Variants in KANK1 observed in about 807,000 individuals in gnomAD.
The protein encoded by KANK1 is KN motif and ankyrin repeat domains 1.
Under a neutral mutation model 106.2 loss-of-function variants are expected in KANK1, and 109 were observed. The observed-to-expected ratio is 1.03, with a 90% confidence interval of 0.88 to 1.20. The LOEUF (loss-of-function observed/expected upper bound fraction) is 1.20, where lower values mean the gene tolerates loss of function less well. Ranked by LOEUF, KANK1 falls within the 50% of genes most tolerant of loss-of-function variation. The pLI, the probability that KANK1 is intolerant of heterozygous loss-of-function variation, is 0.00. For missense variants in KANK1, 2,399 were observed against 1,710.7 expected, an observed-to-expected ratio of 1.40 and a Z score of -7.10; for synonymous variants, 873 against 652.2, an observed-to-expected ratio of 1.34 and a Z score of -5.16.
rs527799189 is a variant in KANK1 at position 612,326 on chromosome 9, C to CT, written c.-83-64563dup. Reference sequence around the variant, plus strand: ...AAGAAAGAGAAATTCAGTACAAAGTCTAAGATGTCCCAGTGATGCACTCTG... The same window carrying CT: ...AAGAAAGAGAAATTCAGTACAAAGTCTTAAGATGTCCCAGTGATGCACTCTG... On this transcript the variant is annotated intron_variant, in intron 1 of 11. Transcript: ENST00000382297. Among the ~76,000 whole-genome samples, 26 of 152,188 alleles carry CT rather than the reference C, an allele frequency of 1.7e-4. No homozygotes were observed. The East Asian group carries it at 4.4e-3, about 26-fold the overall frequency.
At chr9:572,413 G>A (rs934223150) in intron 1 of KANK1, among the ~76,000 whole-genome samples, 2 of 152,046 alleles carry the variant, frequency 1.3e-5, no homozygotes, top group African/African-American at 2.4e-5. Context: ...TTAGCTGGGC[G>A]TGGTAGTGGG....
chr9:602,500 C>T lies in KANK1; in HGVS notation c.-83-74390C>T, dbSNP rs570771075. ...GTCTCAATCTCTTGACCTCATGATC[C>T]GCCTGCCTCAGCCTCCCAAAGTGCT... On this transcript the variant is annotated intron_variant, in intron 1 of 11. Coordinates refer to ENST00000382297, the MANE Select transcript of KANK1 (RefSeq NM_015158.5). Among the ~76,000 whole-genome samples, 4 of 151,766 alleles carry T rather than the reference C, an allele frequency of 2.6e-5. No homozygotes were observed. The East Asian group carries it at 7.7e-4, about 29-fold the overall frequency.
At chr9:681,131 A>G (rs1041144621) in intron 2 of KANK1, 1 of 152,366 alleles carries the variant, frequency 6.6e-6, no homozygotes, top group African/African-American at 2.4e-5. Flanking sequence ...AGGTGGGAGG[A>G]TTGCTTGAGC....
intron 1 of KANK1, among the ~76,000 whole-genome samples, chr9:560,611 T>G (rs1443200426): frequency 6.6e-6 from 1 of 152,250 alleles, no homozygotes; most frequent in South Asian, 2.1e-4. Flanking sequence ...ATGTTTGTTT[T>G]AAAATACTTT....
At chr9:614,361 A>G (rs962098481) in intron 1 of KANK1, among the ~76,000 whole-genome samples, 4 of 152,152 alleles carry the variant, frequency 2.6e-5, no homozygotes, top group Admixed American at 6.5e-5. Context: ...ACCCATTTCC[A>G]TCTTTGAGGA....
intron 1 of KANK1, among the ~76,000 whole-genome samples, chr9:608,123 C>T (rs925339914): frequency 2.7e-5 from 4 of 146,380 alleles, no homozygotes; most frequent in Admixed American, 6.8e-5. Flanking sequence ...CTGCAAGCTC[C>T]GCTTCCCGGG....
chr9:684,948 C>T (rs1818264445), intron 2 of KANK1, among the ~76,000 whole-genome samples: 1 of 152,048 alleles, frequency 6.6e-6, no homozygotes, highest in Non-Finnish European at 1.5e-5. Context: ...TCTAATAAAA[C>T]CTTTAAGGAG....
upstream of KANK1, among the ~76,000 whole-genome samples, chr9:504,406 G>A (rs1185740712): frequency 6.6e-6 from 1 of 151,708 alleles, no homozygotes; most frequent in African/African-American, 2.4e-5. Flanking sequence ...AGTTGCAGCG[G>A]CGCGCAGGCG....
chr9:697,296 C>G (rs374558673), intron 2 of KANK1, among the ~76,000 whole-genome samples: 96 of 152,240 alleles, frequency 6.3e-4, no homozygotes, highest in African/African-American at 1.7e-3. Flanking sequence ...CTGCTCTTCC[C>G]CATGCAGATA....
chr9:714,163 C>CA (rs1827023939), intron 3 of KANK1, among the ~76,000 whole-genome samples: 1 of 152,066 alleles, frequency 6.6e-6, no homozygotes, highest in Admixed American at 6.6e-5. Flanking sequence ...CAAAACAGAA[C>CA]AGAGCCCCTG....
At chr9:673,494 G>C (rs910101143) in intron 1 of KANK1, 1 of 152,298 alleles carries the variant, frequency 6.6e-6, no homozygotes, top group Non-Finnish European at 1.5e-5. Context: ...ATAGGCGTGA[G>C]CCACCGTGCC....
At chr9:640,362 A>G (rs1037483576) in intron 1 of KANK1, among the ~76,000 whole-genome samples, 1 of 150,916 alleles carries the variant, frequency 6.6e-6, no homozygotes, top group African/African-American at 2.4e-5. Flanking sequence ...CAGCCTCCCG[A>G]TTAGCTGGGA....
chr9:668,921 A>G (rs73370855), intron 1 of KANK1, among the ~76,000 whole-genome samples: 4,415 of 152,178 alleles, frequency 0.029, 217 homozygotes, highest in African/African-American at 0.099. Flanking sequence ...CACTCTTATG[A>G]GAATCTATGC....
At chr9:503,014 T>A (rs923525406), upstream of KANK1, among the ~76,000 whole-genome samples, 10 of 148,974 alleles carry the variant, frequency 6.7e-5, no homozygotes, top group East Asian at 1.2e-3. Context: ...TTTTTTTTTT[T>A]TTTTTTTTTT....
Position 713,251 on chromosome 9 carries a change from C to T in KANK1, c.2485C>T (p.Arg829Cys), listed in dbSNP as rs758242164. ...GACTGGCCTGGATCACTACATTGAGCGTATCCAGAAGCTGCTGGCAGAACA... is the reference window on the plus strand; with the variant it reads ...GACTGGCCTGGATCACTACATTGAGTGTATCCAGAAGCTGCTGGCAGAACA... ...MMTGLDHYIE[R>C]IQKLLAEQQT... The change falls in exon 3 of 12, where the codon CGT becomes TGT. Residue 829 changes from arginine to cysteine, a missense_variant. By Grantham distance (180) the Arg-to-Cys change is radical. Transcript: ENST00000382297. 10 of 1,609,386 alleles carry T rather than the reference C, an allele frequency of 6.2e-6. No homozygotes were observed. In the Admixed American group the frequency reaches 6.7e-5, roughly 11 times the overall value.
At chr9:609,523 A>G (rs753461305) in intron 1 of KANK1, among the ~76,000 whole-genome samples, 70 of 152,184 alleles carry the variant, frequency 4.6e-4, no homozygotes, top group Non-Finnish European at 7.2e-4. Flanking sequence ...CGGCTACTCA[A>G]AGGGCTGAGA....
At chr9:648,583 C>G (rs906363674) in intron 1 of KANK1, among the ~76,000 whole-genome samples, 2 of 152,258 alleles carry the variant, frequency 1.3e-5, no homozygotes, top group Admixed American at 6.5e-5. Context: ...ATGACATCAT[C>G]ATCGTACTTG....
At chr9:532,129 C>T (rs1053798081) in intron 1 of KANK1, among the ~76,000 whole-genome samples, 9 of 152,160 alleles carry the variant, frequency 5.9e-5, no homozygotes, top group African/African-American at 2.2e-4. Context: ...CCTTGGATGA[C>T]TCTAAAGGGG....
At chr9:705,636 TG>T (rs1169000994) in intron 2 of KANK1, among the ~76,000 whole-genome samples, 1 of 151,694 alleles carries the variant, frequency 6.6e-6, no homozygotes, top group African/African-American at 2.4e-5. Flanking sequence ...TTGCTCTTGT[TG>T]CCCAGGCTGG....
Sources: allele counts gnomAD v4.1 joint callset (sites outside exome capture counted in the v4.1 genomes callset), GRCh38; gene constraint gnomAD v4.1.1; transcripts MANE v1.5; gene names NCBI Gene and HGNC (gene_info 2026-07-23, HGNC 2026-07-21).